The following SALL4 variants were observed in gnomAD, a reference collection of about 807,000 sequenced individuals.
SALL4 encodes the protein spalt like transcription factor 4.
Under a neutral mutation model 60.8 loss-of-function variants are expected in SALL4, and 4 were observed. That is an observed-to-expected ratio of 0.07 (90% CI 0.03 to 0.15). SALL4 has a LOEUF of 0.15. Among genes scored for constraint, SALL4 ranks in the 10% least tolerant of loss-of-function variants. The pLI, the probability that SALL4 is intolerant of heterozygous loss-of-function variation, is 1.00. For synonymous variants in SALL4, 580 were observed against 574.9 expected, an observed-to-expected ratio of 1.01 and a Z score of -0.13; for missense variants, 1,178 against 1,394.7, an observed-to-expected ratio of 0.84 and a Z score of 2.48.
Position 51,790,429 on chromosome 20 carries a change from T to C in SALL4, c.2054A>G (p.Asp685Gly). The change falls in exon 2 of 4, where the codon GAT becomes GGT. Residue 685 changes from aspartate to glycine, a missense_variant. Transcript: ENST00000217086. This position sits in a 1 kb window ranked among gnomAD's most constrained non-coding sequence, Gnocchi z 5.5. Reference sequence around the variant, plus strand: ...TACATCGATGCTTTCGATGACATCATCATGGCAGATAGCGCCGGTGCTGCC... The same window carrying C: ...TACATCGATGCTTTCGATGACATCACCATGGCAGATAGCGCCGGTGCTGCC... ...ENGSTGAICH[D>G]DVIESIDVEE... 6.2e-7 allele frequency: 1 copy of C among 1,614,102 alleles called. No individual in the cohort carries two copies. The highest frequency in any genetic ancestry group is 1.3e-5 in the African/African-American group (1 of 75,032).
At position 51,791,286 on chromosome 20, in the gene SALL4, G is replaced by T. The variant is rs2079658087; in HGVS notation, c.1197C>A (p.Ile399=). ...KVFGTDSSLQ[I]HLRSHTGERP... Reference sequence around the variant, plus strand: ...TCTCTCCAGTGTGGGAGCGGAGGTGGATCTGCAAGGAGCTATCAGTCCCAA... The same window carrying T: ...TCTCTCCAGTGTGGGAGCGGAGGTGTATCTGCAAGGAGCTATCAGTCCCAA... The change falls in exon 2 of 4, where the codon ATC becomes ATA. Residue 399 remains isoleucine (I), a synonymous_variant. Transcript: ENST00000217086. This position sits in a 1 kb window ranked among gnomAD's most constrained non-coding sequence, Gnocchi z 4.6. The T allele has an allele frequency of 6.2e-7, 1 of 1,614,108 alleles. No individual in the cohort carries two copies. Among genetic ancestry groups the T allele is most frequent in the Non-Finnish European group, 8.5e-7 (1 of 1,180,040 alleles).
chr20:51,789,894 G>C (rs1295186356), intron 2 of SALL4, 128 bp downstream of exon 2: 1 of 1,130,994 alleles, frequency 8.8e-7, no homozygotes, highest in Non-Finnish European at 1.3e-6. Flanking sequence ...CAGAAGTAAA[G>C]AAAAGCTAAT....
At position 51,783,129 on chromosome 20, in the gene SALL4, T is replaced by C. The variant is rs768801968; in HGVS notation, c.*1136A>G. 1 of 152,132 alleles carries C rather than the reference T, an allele frequency of 6.6e-6. No individual in the cohort carries two copies. Among genetic ancestry groups the C allele is most frequent in the Non-Finnish European group, 1.5e-5 (1 of 68,014 alleles). 9.4% of individuals were successfully genotyped at this position (152,132 alleles called of 1,614,324 possible). A position where few individuals can be genotyped will look rare whatever the true frequency, so the allele number is the denominator to read the frequency against. ...CCTTCCACGAGTTTCTTCTCGAGCA[T>C]GAAAACCCAGTTCTTCAATAGAGTA... On this transcript the variant is annotated 3_prime_UTR_variant, in exon 4 of 4. Coordinates refer to ENST00000217086, the MANE Select transcript of SALL4 (RefSeq NM_020436.5).
chr20:51,786,141 C>T (rs186554428), intron 3 of SALL4, among the ~76,000 whole-genome samples: 10 of 144,252 alleles, frequency 6.9e-5, no homozygotes, highest in Admixed American at 1.4e-4. Context: ...GGCTGGAGTA[C>T]GGTGGAATGA....
At chr20:51,800,887 G>A (rs2078105687) in intron 1 of SALL4, among the ~76,000 whole-genome samples, 2 of 152,180 alleles carry the variant, frequency 1.3e-5, no homozygotes, top group South Asian at 4.1e-4. Flanking sequence ...GTTAAACGGG[G>A]AATTCTATTG....
chr20:51,794,185 G>A (rs868468545), intron 1 of SALL4, among the ~76,000 whole-genome samples: 1 of 152,158 alleles, frequency 6.6e-6, no homozygotes, highest in Non-Finnish European at 1.5e-5. Flanking sequence ...CAGGGGTTGG[G>A]GACCCAATGG....
chr20:51,788,954 G>A lies in SALL4; in HGVS notation c.2649C>T (p.Ser883=), dbSNP rs772770482. Residue 883 remains serine (S), a synonymous_variant, in exon 3 of 4, where the codon AGC becomes AGT. Coordinates refer to ENST00000217086, the MANE Select transcript of SALL4 (RefSeq NM_020436.5). This position sits in a 1 kb window ranked among gnomAD's most constrained non-coding sequence, Gnocchi z 4.1. ...TRCGKNFSSA[S]ALQIHERTHT... ...GAGTCCGCTCGTGGATCTGAAGAGC[G>A]CTAGCAGACGAGAAGTTCTTCCCAC... 2.1e-4 allele frequency: 342 copies of A among 1,614,088 alleles called. No homozygotes were observed. Among genetic ancestry groups the A allele is most frequent in the Admixed American group, 2.0e-4 (12 of 60,006 alleles).
rs773156583 is a variant in SALL4, at chr20:51,791,374, T to C, written c.1109A>G (p.Asp370Gly). ...GGCCGCCTCGTCTTTGGGTTTGACA[T>C]CCACCGCGGAGATGTTCGGTGGCTT... ...KGKPPNISAV[D>G]VKPKDEAALY... is the part of the protein sequence containing the mutation. Residue 370 changes from aspartate to glycine, a missense_variant, in exon 2 of 4, where the codon GAT becomes GGT. By Grantham distance (94) the Asp-to-Gly change is moderately conservative. Coordinates refer to ENST00000217086, the MANE Select transcript of SALL4 (RefSeq NM_020436.5). This position sits in a 1 kb window ranked among gnomAD's most constrained non-coding sequence, Gnocchi z 4.6. The C allele has an allele frequency of 3.1e-6, 5 of 1,614,190 alleles. No homozygotes were observed. The highest frequency in any genetic ancestry group is 4.2e-6 in the Non-Finnish European group (5 of 1,180,038).
intron 3 of SALL4, among the ~76,000 whole-genome samples, chr20:51,785,332 T>C (rs187018787): frequency 6.6e-6 from 1 of 152,182 alleles, no homozygotes. Flanking sequence ...AATTAGCTCA[T>C]AGCTCATGTG....
At position 51,788,617 on chromosome 20, in the gene SALL4, G is replaced by C. The variant is rs372430762; in HGVS notation, c.2742+244C>G. ...GAGGCAGGAGAATGGCATGAACCCGGGAGGAGGAGCTTGCAGTGAGCTTGA... is the reference window on the plus strand; with the variant it reads ...GAGGCAGGAGAATGGCATGAACCCGCGAGGAGGAGCTTGCAGTGAGCTTGA... On this transcript the variant is annotated intron_variant, in intron 3 of 3. Transcript: ENST00000217086. The surrounding 1 kb of genome is among the most constrained non-coding windows in gnomAD (Gnocchi z 4.1). 9.9e-5 allele frequency among the ~76,000 whole-genome samples: 15 copies of C among 152,270 alleles called. 2 individuals carry two copies. Among genetic ancestry groups the C allele is most frequent in the Admixed American group, 2.0e-4 (3 of 15,290 alleles).
chr20:51,785,112 G>A (rs1471484735), intron 3 of SALL4, among the ~76,000 whole-genome samples: 2 of 151,970 alleles, frequency 1.3e-5, no homozygotes, highest in African/African-American at 4.8e-5. Flanking sequence ...AGACCAGCCC[G>A]GCCAACATGA....
chr20:51,793,474 C>T (rs1019636333), intron 1 of SALL4, among the ~76,000 whole-genome samples: 1 of 151,826 alleles, frequency 6.6e-6, no homozygotes. Context: ...AAAAAAAGTA[C>T]AAATGCACAA....
intron 3 of SALL4, among the ~76,000 whole-genome samples, chr20:51,785,711 T>C (rs1335220071): frequency 1.3e-5 from 2 of 151,764 alleles, no homozygotes; most frequent in East Asian, 3.9e-4. Context: ...TGGCGCAATC[T>C]CGGCTCGCTG....
chr20:51,792,037 G>A lies in SALL4; in HGVS notation c.446C>T (p.Ala149Val), dbSNP rs371371697. 15 of 1,614,098 alleles carry A rather than the reference G, an allele frequency of 9.3e-6. No individual in the cohort carries two copies. Among genetic ancestry groups the A allele is most frequent in the East Asian group, 2.2e-5 (1 of 44,862 alleles). Residue 149 changes from alanine to valine, a missense_variant, in exon 2 of 4, where the codon GCG becomes GTG. Ala to Val is a moderately conservative substitution (Grantham distance 64). Coordinates refer to ENST00000217086, the MANE Select transcript of SALL4 (RefSeq NM_020436.5). ...TGTCTTTAGGTACACCACAGACTCCGCATCCGGCTTCTCCTTCATGTCCTC... is the reference window on the plus strand; with the variant it reads ...TGTCTTTAGGTACACCACAGACTCCACATCCGGCTTCTCCTTCATGTCCTC... ...SSEDMKEKPD[A>V]ESVVYLKTET...
rs1424254604 is a variant in SALL4 at position 51,782,566 on chromosome 20, A to C, written c.*1699T>G. The C allele has an allele frequency of 6.6e-6, 1 of 150,754 alleles. No individual in the cohort carries two copies. The highest frequency in any genetic ancestry group is 1.5e-5 in the Non-Finnish European group (1 of 67,868). 9.3% of individuals were successfully genotyped at this position (150,754 alleles called of 1,614,324 possible). A position where few individuals can be genotyped will look rare whatever the true frequency, so the allele number is the denominator to read the frequency against. On this transcript the variant is annotated 3_prime_UTR_variant, in exon 4 of 4. Coordinates refer to ENST00000217086, the MANE Select transcript of SALL4 (RefSeq NM_020436.5). ...ACAACTTGGCAAAAAAAAAAAAAAA[A>C]AAAAAAAAGGGGGGCGGAATCCTAA...
In SALL4 at chr20:51,788,744, C is replaced by T. The variant is rs1408797718; in HGVS notation, c.2742+117G>A. 7.2e-6 allele frequency: 9 copies of T among 1,253,678 alleles called. No individual in the cohort carries two copies. In the Admixed American group the frequency reaches 1.4e-4, roughly 19 times the overall value. The allele number at this position is 1,253,678 out of a possible 1,614,324, so 77.7% of individuals were successfully genotyped here. On this transcript the variant is annotated intron_variant, in intron 3 of 3. Coordinates refer to ENST00000217086, the MANE Select transcript of SALL4 (RefSeq NM_020436.5). The surrounding 1 kb of genome is among the most constrained non-coding windows in gnomAD (Gnocchi z 4.1). ...CAAACTCCTGGACTCAAGCAATCCT[C>T]CCACCTCGGCCTCCCAAAGGAGGAA...
At chr20:51,797,455 G>C (rs2078085413) in intron 1 of SALL4, 1 of 152,080 alleles carries the variant, frequency 6.6e-6, no homozygotes, top group South Asian at 2.1e-4. Context: ...ACACAAGCTT[G>C]CCTCTTCTGT....
rs1381111971 is a variant in SALL4, at chr20:51,791,014, G to A, written c.1469C>T (p.Ser490Phe). The change falls in exon 2 of 4, where the codon TCT becomes TTT. Residue 490 changes from serine (S) to phenylalanine (F), a missense_variant. Ser to Phe is a radical substitution (Grantham distance 155). Around this residue, in one of 5 missense-constraint regions of SALL4, gnomAD observed 853 missense variants for 1,036.8 expected, o/e 0.82. Coordinates refer to ENST00000217086, the MANE Select transcript of SALL4 (RefSeq NM_020436.5). This position sits in a 1 kb window ranked among gnomAD's most constrained non-coding sequence, Gnocchi z 4.6. ...GAGGTCCTTGGGATTAGTCCCCGAA[G>A]AAAGATTCTGAGGTAGCCCTACAGA... ...TTSVGLPQNL[S>F]SGTNPKDLTG... The A allele has an allele frequency of 1.2e-6, 2 of 1,614,204 alleles. No individual in the cohort carries two copies. The highest frequency in any genetic ancestry group is 1.3e-5 in the African/African-American group (1 of 75,050).
Position 51,790,105 on chromosome 20 carries a change from C to T in SALL4, c.2378G>A (p.Ser793Asn). Residue 793 changes from serine to asparagine, a missense_variant, in exon 2 of 4, where the codon AGT (serine) becomes AAT (asparagine). Physicochemically the swap from Ser to Asn is conservative, Grantham distance 46 (BLOSUM62 1). Transcript: ENST00000217086. The surrounding 1 kb of genome is among the most constrained non-coding windows in gnomAD (Gnocchi z 5.5). ...CTTTGACTTGATGCTTTCGGCTTGA[C>T]TATTGGCCGGGGAGAGTGCCTGGAA... Reference protein sequence around the residue: ...TSFQALSPANSQAESIKSKSP... With the variant: ...TSFQALSPANNQAESIKSKSP... The T allele has an allele frequency of 6.2e-7, 1 of 1,614,218 alleles. No homozygotes were observed. Among genetic ancestry groups the T allele is most frequent in the Non-Finnish European group, 8.5e-7 (1 of 1,180,050 alleles).
Sources: gnomAD v4.1 joint callset for allele counts (sites outside exome capture counted in the v4.1 genomes callset) on GRCh38, gnomAD v4.1.1 for gene constraint, gnomAD v4.1.1 regional missense constraint, Gnocchi (gnomAD v3.1) non-coding constraint, MANE v1.5 for transcripts, NCBI Gene and HGNC (gene_info 2026-07-23, HGNC 2026-07-21) for gene names.